ZNF407: variants seen among roughly 807,000 people sequenced by gnomAD.
ZNF407 encodes the protein zinc finger protein 407.
ZNF407 carries 17 observed loss-of-function variants against 131.2 expected under a neutral mutation model. The ratio of observed to expected loss-of-function variants is 0.13; its 90% CI spans 0.09 to 0.19. The LOEUF is 0.19. Among genes scored for constraint, ZNF407 ranks in the 10% least tolerant of loss-of-function variants. The pLI is 1.00. For missense variants in ZNF407, 2,681 were observed against 2,830.6 expected, an observed-to-expected ratio of 0.95 and a Z score of 1.20; for synonymous variants, 1,156 against 1,062.0, an observed-to-expected ratio of 1.09 and a Z score of -1.72.
rs553303005 is a variant in ZNF407, at chr18:74,880,446, C to T, written c.5045-590C>T. ...TTTTTTATGCCATGAAAGCGAGAAACATAAACAGCATTGAATTGCTACTGG... is the reference window on the plus strand; with the variant it reads ...TTTTTTATGCCATGAAAGCGAGAAATATAAACAGCATTGAATTGCTACTGG... On this transcript the variant is annotated intron_variant, in intron 5 of 8. Transcript: ENST00000299687. Among the ~76,000 whole-genome samples the T allele has an allele frequency of 3.7e-4, 56 of 152,256 alleles. 1 individual carries two copies. Among genetic ancestry groups the T allele is most frequent in the African/African-American group, 1.3e-3 (53 of 41,548 alleles).
chr18:74,791,299 T>C (rs1311167088), intron 4 of ZNF407, among the ~76,000 whole-genome samples: 1 of 152,254 alleles, frequency 6.6e-6, no homozygotes, highest in Non-Finnish European at 1.5e-5. Context: ...GTTAATTTCA[T>C]ATGAGTCAAA....
intron 1 of ZNF407, among the ~76,000 whole-genome samples, chr18:74,620,515 G>A (rs1052787556): frequency 2.2e-4 from 20 of 89,940 alleles, no homozygotes; most frequent in Non-Finnish European, 2.7e-4. Flanking sequence ...AATTGAATTG[G>A]ATGTTTGAAA....
chr18:74,631,590 T>A lies in ZNF407; in HGVS notation c.571T>A (p.Cys191Ser). 1 of 1,613,826 alleles carries A rather than the reference T, an allele frequency of 6.2e-7. No individual in the cohort carries two copies. Among genetic ancestry groups the A allele is most frequent in the Non-Finnish European group, 8.5e-7 (1 of 1,179,892 alleles). ...NVDTVLKCSICGHLFSSCSDL... is the reference protein window; with the variant it reads ...NVDTVLKCSISGHLFSSCSDL... ...AGATACAGTTCTCAAATGCAGCATCTGTGGGCATTTGTTTTCTTCTTGCTC... is the reference window on the plus strand; with the variant it reads ...AGATACAGTTCTCAAATGCAGCATCAGTGGGCATTTGTTTTCTTCTTGCTC... The change falls in exon 2 of 9, where the codon TGT becomes AGT. Residue 191 changes from cysteine to serine, a missense_variant. Around this residue, in one of 6 missense-constraint regions of ZNF407, gnomAD observed 1,789 missense variants for 1,748.7 expected, o/e 1.02. Transcript: ENST00000299687.
At chr18:74,906,045 C>T (rs1050437556) in intron 7 of ZNF407, 2 of 153,074 alleles carry the variant, frequency 1.3e-5, no homozygotes, top group South Asian at 2.1e-4. Context: ...CAGTTTTGTA[C>T]GTTATTATTA....
chr18:74,634,067 G>C lies in ZNF407; in HGVS notation c.3048G>C (p.Glu1016Asp), dbSNP rs538737054. 3 of 1,614,054 alleles carry C rather than the reference G, an allele frequency of 1.9e-6. No individual in the cohort carries two copies. Among genetic ancestry groups the C allele is most frequent in the Non-Finnish European group, 2.5e-6 (3 of 1,179,902 alleles). ...YSQRDVTGTG[E>D]NKCLHCEFSA... ...AGAGAGATGTTACAGGCACAGGTGAGAATAAGTGTTTGCACTGTGAGTTTA... is the reference window on the plus strand; with the variant it reads ...AGAGAGATGTTACAGGCACAGGTGACAATAAGTGTTTGCACTGTGAGTTTA... Residue 1016 changes from glutamate (E) to aspartate (D), a missense_variant, in exon 2 of 9, where the codon GAG (glutamate) becomes GAC (aspartate). Physicochemically the swap from Glu to Asp is conservative, Grantham distance 45. Coordinates refer to ENST00000299687, the MANE Select transcript of ZNF407 (RefSeq NM_017757.3).
intron 4 of ZNF407, among the ~76,000 whole-genome samples, chr18:74,853,108 A>G (rs996637876): frequency 6.6e-6 from 1 of 152,180 alleles, no homozygotes; most frequent in African/African-American, 2.4e-5. Context: ...AGGAAAGGAA[A>G]AAACGTATCA....
Position 74,683,746 on chromosome 18 carries a change from T to G in ZNF407, c.4802+42624T>G, listed in dbSNP as rs532066529. Among the ~76,000 whole-genome samples the G allele has an allele frequency of 2.2e-4, 33 of 152,346 alleles. 1 individual carries two copies. Among genetic ancestry groups the G allele is most frequent in the African/African-American group, 7.5e-4 (31 of 41,594 alleles). On this transcript the variant is annotated intron_variant, in intron 3 of 8. Transcript: ENST00000299687. ...TTATTGTCTTTGTATACTAACTCAGTGCAGAAGCACTTGTCTATTTTGAGC... is the reference window on the plus strand; with the variant it reads ...TTATTGTCTTTGTATACTAACTCAGGGCAGAAGCACTTGTCTATTTTGAGC...
intron 8 of ZNF407, among the ~76,000 whole-genome samples, chr18:74,923,258 T>C (rs1309413566): frequency 6.6e-6 from 1 of 151,900 alleles, no homozygotes; most frequent in East Asian, 1.9e-4. Context: ...TTATTATTTG[T>C]AAACGTAATA....
chr18:74,639,896 C>T (rs1340335534), intron 2 of ZNF407, among the ~76,000 whole-genome samples: 1 of 151,788 alleles, frequency 6.6e-6, no homozygotes, highest in Non-Finnish European at 1.5e-5. Context: ...TTTACAAGGA[C>T]ACTGCACAAA....
At chr18:74,661,159 A>G (rs1985697561) in intron 3 of ZNF407, among the ~76,000 whole-genome samples, 1 of 152,116 alleles carries the variant, frequency 6.6e-6, no homozygotes, top group South Asian at 2.1e-4. Flanking sequence ...ATGTAGTACA[A>G]CAGGGTTACA....
chr18:74,657,309 G>A (rs1320682680), intron 3 of ZNF407, among the ~76,000 whole-genome samples: 6 of 152,086 alleles, frequency 3.9e-5, no homozygotes, highest in African/African-American at 1.4e-4. Context: ...TTACACAGGA[G>A]TCTTAAATAG....
intron 8 of ZNF407, among the ~76,000 whole-genome samples, chr18:75,024,934 G>C (rs1032411671): frequency 6.6e-6 from 1 of 152,120 alleles, no homozygotes; most frequent in Admixed American, 6.5e-5. Context: ...ACAAAACGAA[G>C]ACTATTTCCA....
At chr18:74,610,483 G>A (rs1021776646) in intron 1 of ZNF407, among the ~76,000 whole-genome samples, 6 of 152,048 alleles carry the variant, frequency 3.9e-5, no homozygotes, top group African/African-American at 1.5e-4. Flanking sequence ...GAGGACGTTC[G>A]TTTTCCTGTA....
intron 8 of ZNF407, among the ~76,000 whole-genome samples, chr18:74,949,667 CAAGTA>C (rs1306806335): frequency 1.3e-5 from 2 of 152,252 alleles, no homozygotes; most frequent in Non-Finnish European, 2.9e-5. Flanking sequence ...CTGATATAGA[CAAGTA>C]AAGAACAAAG....
chr18:74,801,366 A>C (rs1325741209), intron 4 of ZNF407, among the ~76,000 whole-genome samples: 1 of 152,160 alleles, frequency 6.6e-6, no homozygotes, highest in Non-Finnish European at 1.5e-5. Context: ...TTTTCATGGA[A>C]ATCTAGACTT....
chr18:74,694,249 G>C (rs922636881), intron 3 of ZNF407, among the ~76,000 whole-genome samples: 3 of 152,054 alleles, frequency 2.0e-5, no homozygotes, highest in Non-Finnish European at 4.4e-5. Flanking sequence ...GTCTGGTGTA[G>C]ACTTCACTCT....
rs1335630449 is a variant in ZNF407, at chr18:74,916,643, T to C, written c.5250-3871T>C. ...TTCGAATCGGGAGTGTGTGTGTGTGTGTGTGTGTGCATGTGTGTGCTGGTA... is the reference window on the plus strand; with the variant it reads ...TTCGAATCGGGAGTGTGTGTGTGTGCGTGTGTGTGCATGTGTGTGCTGGTA... On this transcript the variant is annotated intron_variant, in intron 7 of 8. Transcript: ENST00000299687. Among the ~76,000 whole-genome samples the C allele has an allele frequency of 8.0e-4, 111 of 139,584 alleles. 5 individuals are homozygous for C. The highest frequency in any genetic ancestry group is 2.8e-3 in the African/African-American group (98 of 34,958). 91.6% of individuals were successfully genotyped at this position (139,584 alleles called of 152,430 possible).
intron 2 of ZNF407, among the ~76,000 whole-genome samples, chr18:74,637,804 T>C (rs1984527069): frequency 6.6e-6 from 1 of 152,226 alleles, no homozygotes. Flanking sequence ...ATTTTGTGAT[T>C]TACTATATGT....
chr18:74,725,197 G>A (rs1315681676), intron 3 of ZNF407, among the ~76,000 whole-genome samples: 1 of 152,020 alleles, frequency 6.6e-6, no homozygotes, highest in Non-Finnish European at 1.5e-5. Flanking sequence ...GTGCTGTGGT[G>A]CAGTCATGGC....
Sources: allele counts gnomAD v4.1 joint callset (sites outside exome capture counted in the v4.1 genomes callset), GRCh38; gene constraint gnomAD v4.1.1; regional missense constraint gnomAD v4.1.1; transcripts MANE v1.5; gene names NCBI Gene and HGNC (gene_info 2026-07-23, HGNC 2026-07-21).